MTUS2: variants seen among roughly 807,000 people sequenced by gnomAD.
The protein encoded by MTUS2 is microtubule associated scaffold protein 2, also known as microtubule-associated tumor suppressor candidate 2.
Under a neutral mutation model 114.1 loss-of-function variants are expected in MTUS2, and 40 were observed. The ratio of observed to expected loss-of-function variants is 0.35; its 90% CI spans 0.27 to 0.46. The LOEUF (loss-of-function observed/expected upper bound fraction) is 0.46, where lower values mean the gene tolerates loss of function less well. Ranked by LOEUF, MTUS2 falls within the 20% of genes least tolerant of loss-of-function variation. MTUS2 has a pLI of 1.00. For synonymous variants in MTUS2, 688 were observed against 672.0 expected (o/e 1.02, Z -0.37); for missense variants, 1,679 against 1,705.4 (o/e 0.98, Z 0.27).
intron 2 of MTUS2, among the ~76,000 whole-genome samples, chr13:28,875,175 G>C (rs1479890732): frequency 6.6e-6 from 1 of 152,082 alleles, no homozygotes; most frequent in Non-Finnish European, 1.5e-5. Flanking sequence ...CTTAGATAAA[G>C]CACCAGATAG....
chr13:28,933,994 T>C (rs533671338), intron 2 of MTUS2, among the ~76,000 whole-genome samples: 3 of 152,198 alleles, frequency 2.0e-5, no homozygotes, highest in Non-Finnish European at 4.4e-5. Context: ...TGGATATAAA[T>C]TTTAATTGCA....
chr13:29,049,499 G>A (rs2479772), intron 4 of MTUS2, among the ~76,000 whole-genome samples: 147,817 of 152,300 alleles, frequency 0.97, 71,757 homozygotes, highest in Non-Finnish European at 0.98. Flanking sequence ...CTAGAGACTG[G>A]CCATTAAAGG....
Position 29,296,546 on chromosome 13 carries a change from A to C in MTUS2, c.2806+14681A>C, listed in dbSNP as rs117812949. Among the ~76,000 whole-genome samples the C allele has an allele frequency of 4.7e-4, 72 of 152,198 alleles. No individual in the cohort carries two copies. The East Asian group carries it at 0.012, about 25-fold the overall frequency. On this transcript the variant is annotated intron_variant, in intron 6 of 15. Transcript: ENST00000612955. The stretch of plus-strand genomic sequence containing the variant: ...TTCCATACTGTTTTCCATAGTGGCT[A>C]TACTAATTTCCATGCCCACCAAGTG...
chr13:29,210,474 G>A (rs537859580), intron 5 of MTUS2, among the ~76,000 whole-genome samples: 1 of 152,184 alleles, frequency 6.6e-6, no homozygotes, highest in Admixed American at 6.5e-5. Context: ...GTGAGCTAGT[G>A]TGATCTTTTG....
chr13:29,083,493 G>A (rs1384226685), intron 4 of MTUS2, among the ~76,000 whole-genome samples: 1 of 152,186 alleles, frequency 6.6e-6, no homozygotes, highest in Non-Finnish European at 1.5e-5. Flanking sequence ...TGAAGTGGGA[G>A]CTGAATGGAA....
At chr13:29,225,481 A>G (rs748534060) in intron 5 of MTUS2, among the ~76,000 whole-genome samples, 1 of 152,220 alleles carries the variant, frequency 6.6e-6, no homozygotes, top group Non-Finnish European at 1.5e-5. Flanking sequence ...TTACACAATC[A>G]TAGAATTGAG....
intron 2 of MTUS2, among the ~76,000 whole-genome samples, chr13:29,001,544 G>A (rs1311139297): frequency 6.6e-6 from 1 of 152,220 alleles, no homozygotes; most frequent in Non-Finnish European, 1.5e-5. Context: ...GGGTAGAGCA[G>A]CTTTGGACAG....
intron 5 of MTUS2, among the ~76,000 whole-genome samples, chr13:29,161,756 C>G (rs1472133812): frequency 6.6e-6 from 1 of 152,210 alleles, no homozygotes; most frequent in Non-Finnish European, 1.5e-5. Flanking sequence ...AGTTCTCAGC[C>G]CCTGCTCCCT....
In MTUS2 at chr13:29,324,676, G is replaced by T; in HGVS notation, c.2870G>T (p.Arg957Ile). 2 of 1,599,556 alleles carry T rather than the reference G, an allele frequency of 1.3e-6. No individual in the cohort carries two copies. The highest frequency in any genetic ancestry group is 8.5e-7 in the Non-Finnish European group (1 of 1,172,768). The change falls in exon 7 of 16, where the codon AGA becomes ATA. Residue 957 changes from arginine to isoleucine, a missense_variant. Around this residue, in one of 3 missense-constraint regions of MTUS2, gnomAD observed 822 missense variants for 899.7 expected, o/e 0.91. Coordinates refer to ENST00000612955, the MANE Select transcript of MTUS2 (RefSeq NM_001033602.4). ...AAACCTGCTGTTTCATCTCCTAAGA[G>T]AGTAGCAGCTTCAACCACCAAGCTT... is the stretch of plus-strand genomic sequence containing the variant. Reference protein sequence around the residue: ...TNKPAVSSPKRVAASTTKLHS... With the variant: ...TNKPAVSSPKIVAASTTKLHS...
intron 8 of MTUS2, among the ~76,000 whole-genome samples, chr13:29,368,257 C>T (rs1285056555): frequency 2.6e-5 from 4 of 151,862 alleles, no homozygotes; most frequent in African/African-American, 4.8e-5. Flanking sequence ...GCTTCTAACC[C>T]ATGTATCACC....
intron 10 of MTUS2, chr13:29,483,842 A>T (rs1329340251): frequency 6.6e-6 from 1 of 152,254 alleles, no homozygotes; most frequent in Non-Finnish European, 1.5e-5. Context: ...AAAGCACGCA[A>T]AACAGACTCA....
intron 5 of MTUS2, among the ~76,000 whole-genome samples, chr13:29,200,271 A>G (rs1214278022): frequency 6.6e-6 from 1 of 151,154 alleles, no homozygotes; most frequent in Non-Finnish European, 1.5e-5. Flanking sequence ...GAGGTCTTTT[A>G]ATTGTGATGT....
chr13:29,435,736 A>G (rs1566198612), intron 8 of MTUS2, among the ~76,000 whole-genome samples: 2 of 152,246 alleles, frequency 1.3e-5, no homozygotes, highest in Non-Finnish European at 2.9e-5. Flanking sequence ...GGAAGCAAAA[A>G]GTAACTTACT....
At position 29,145,411 on chromosome 13, in the gene MTUS2, C is replaced by T. The variant is rs113500275; in HGVS notation, c.2644+44441C>T. Among the ~76,000 whole-genome samples, 482 of 152,004 alleles carry T rather than the reference C, an allele frequency of 3.2e-3. 3 individuals are homozygous for T. Among genetic ancestry groups the T allele is most frequent in the African/African-American group, 0.011 (457 of 41,436 alleles). On this transcript the variant is annotated intron_variant, in intron 5 of 15. Coordinates refer to ENST00000612955, the MANE Select transcript of MTUS2 (RefSeq NM_001033602.4). ...GGTGGGCACCTGTAATCTCAGCTAC[C>T]GGGCAGGTTGAGGCAGGAGAATTGC...
intron 8 of MTUS2, among the ~76,000 whole-genome samples, chr13:29,436,006 A>G (rs533533245): frequency 6.6e-6 from 1 of 152,316 alleles, no homozygotes; most frequent in East Asian, 1.9e-4. Context: ...CTGGAAACAG[A>G]CTAATGTGCA....
At chr13:29,305,728 T>C (rs1421110528) in intron 6 of MTUS2, among the ~76,000 whole-genome samples, 2 of 152,104 alleles carry the variant, frequency 1.3e-5, no homozygotes, top group Admixed American at 6.6e-5. Flanking sequence ...ACTGATACCA[T>C]TGCTACTGAA....
chr13:29,469,734 G>A (rs1024384751), intron 9 of MTUS2, among the ~76,000 whole-genome samples: 10 of 151,960 alleles, frequency 6.6e-5, no homozygotes, highest in African/African-American at 2.4e-4. Flanking sequence ...TTGAGCCCAA[G>A]AGTTACAGGC....
intron 5 of MTUS2, among the ~76,000 whole-genome samples, chr13:29,133,476 TG>T (rs1316755311): frequency 6.6e-6 from 1 of 152,218 alleles, no homozygotes; most frequent in African/African-American, 2.4e-5. Flanking sequence ...AAGAGCTTTA[TG>T]GTTTTAGGTT....
chr13:29,356,244 A>C (rs1022776222), intron 7 of MTUS2, among the ~76,000 whole-genome samples: 4 of 152,136 alleles, frequency 2.6e-5, no homozygotes, highest in Non-Finnish European at 5.9e-5. Flanking sequence ...AGAGGTCAGG[A>C]GTGGGTCACC....
Sources: gnomAD v4.1 joint callset for allele counts (sites outside exome capture counted in the v4.1 genomes callset) on GRCh38, gnomAD v4.1.1 for gene constraint, gnomAD v4.1.1 regional missense constraint, MANE v1.5 for transcripts, NCBI Gene and HGNC (gene_info 2026-07-23, HGNC 2026-07-21) for gene names.